Variants in SUN1 observed in about 807,000 individuals in gnomAD.
SUN1 encodes the protein Sad1 and UNC84 domain containing 1.
A neutral mutation model predicts 103.2 loss-of-function variants in SUN1; 61 were observed. That is an observed-to-expected ratio of 0.59 (90% CI 0.48 to 0.73). SUN1 has a LOEUF of 0.73. SUN1 is among the 30% of genes least tolerant of loss of function. SUN1 has a pLI of 0.00. For missense variants in SUN1, 1,052 were observed against 1,034.6 expected (o/e 1.02, Z -0.23); for synonymous variants, 490 against 425.7 (o/e 1.15, Z -1.86).
chr7:849,571 A>T (rs779769903), intron 5 of SUN1: 1 of 1,422,804 alleles, frequency 7.0e-7, no homozygotes, highest in Admixed American at 1.8e-5. Flanking sequence ...CTCAGAGAGG[A>T]TGGCCACCTC....
intron 15 of SUN1, among the ~76,000 whole-genome samples, chr7:864,618 G>A (rs1834918622): frequency 6.6e-6 from 1 of 151,420 alleles, no homozygotes; most frequent in Admixed American, 6.6e-5. Context: ...CTATCATATG[G>A]TAGGTCTTAT....
At position 852,057 on chromosome 7, in the gene SUN1, T is replaced by C; in HGVS notation, c.851+14T>C. On this transcript the variant is annotated intron_variant, in intron 7 of 18. Transcript: ENST00000401592. ...TCTTCTTACCAGGTAAGGAAATGGA[T>C]ATCATGTCAGCGTGGTGCTTTAAGG... 6.2e-6 allele frequency: 10 copies of C among 1,613,072 alleles called. No homozygotes were observed. Among genetic ancestry groups the C allele is most frequent in the Non-Finnish European group, 5.1e-6 (6 of 1,179,020 alleles).
At chr7:856,624 G>C (rs1309234867) in intron 12 of SUN1, among the ~76,000 whole-genome samples, 1 of 152,192 alleles carries the variant, frequency 6.6e-6, no homozygotes, top group Non-Finnish European at 1.5e-5. Flanking sequence ...GACCTCTGTA[G>C]TTAGCACTCT....
chr7:817,525 G>C (rs1394100621), intron 1 of SUN1: 2 of 1,535,364 alleles, frequency 1.3e-6, no homozygotes, highest in Admixed American at 3.9e-5. Flanking sequence ...CGAGGTCTCT[G>C]CTCTCGCTTT....
chr7:827,862 A>G (rs560089040), upstream of SUN1, among the ~76,000 whole-genome samples: 1 of 152,288 alleles, frequency 6.6e-6, no homozygotes, highest in East Asian at 1.9e-4. Flanking sequence ...TAAAAGGTAA[A>G]TGGTATTAAA....
At chr7:844,868 C>G (rs1159487357) in intron 5 of SUN1, among the ~76,000 whole-genome samples, 1 of 152,168 alleles carries the variant, frequency 6.6e-6, no homozygotes, top group Admixed American at 6.5e-5. Flanking sequence ...CAGGTGCTCC[C>G]CCTTAGCCAC....
intron 17 of SUN1, among the ~76,000 whole-genome samples, chr7:871,308 A>C (rs1841494385): frequency 6.6e-6 from 1 of 152,180 alleles, no homozygotes; most frequent in Admixed American, 6.5e-5. Context: ...TGTAAATAAT[A>C]ATCATGTGTC....
chr7:817,269 A>AT (rs1781567153), intron 1 of SUN1: 1 of 724,602 alleles, frequency 1.4e-6, no homozygotes, highest in Admixed American at 2.3e-5. Flanking sequence ...TGATAGTCGT[A>AT]TTTTTTGTAG....
chr7:818,721 T>C (rs1187061628), intron 1 of SUN1, among the ~76,000 whole-genome samples: 2 of 152,194 alleles, frequency 1.3e-5, no homozygotes, highest in Non-Finnish European at 2.9e-5. Context: ...AGGATGACCA[T>C]GCTAGTGGGT....
At chr7:818,632 T>C (rs989933078) in intron 1 of SUN1, among the ~76,000 whole-genome samples, 4 of 152,346 alleles carry the variant, frequency 2.6e-5, no homozygotes, top group Middle Eastern at 3.4e-3. Context: ...TTTTTCACAG[T>C]GTCCGCACCA....
In SUN1 at chr7:841,938, C is replaced by A. The variant is rs1554262344; in HGVS notation, c.267-8C>A. 1.9e-6 allele frequency: 3 copies of A among 1,600,020 alleles called. No individual in the cohort carries two copies. Among genetic ancestry groups the A allele is most frequent in the Non-Finnish European group, 2.6e-6 (3 of 1,175,392 alleles). On this transcript the variant is annotated splice_polypyrimidine_tract_variant and splice_region_variant and intron_variant, in intron 2 of 18. Transcript: ENST00000401592. Reference sequence around the variant, plus strand: ...ATCTATAAACTTGCTGTTTTTTTTTCTTCTTAGAACAACAAAACAGCGCAG... The same window carrying A: ...ATCTATAAACTTGCTGTTTTTTTTTATTCTTAGAACAACAAAACAGCGCAG...
chr7:873,953 G>A lies in SUN1; in HGVS notation c.*622G>A, dbSNP rs934775374. ...ACTCGCTGTACCAATATCCATGGAG[G>A]AATATGGGAGCGTTTCGCTCTCCTT... On this transcript the variant is annotated 3_prime_UTR_variant, in exon 19 of 19. Transcript: ENST00000401592. 1 of 152,384 alleles carries A rather than the reference G, an allele frequency of 6.6e-6. No individual in the cohort carries two copies. Among genetic ancestry groups the A allele is most frequent in the African/African-American group, 2.4e-5 (1 of 41,462 alleles). 9.4% of individuals were successfully genotyped at this position (152,384 alleles called of 1,614,324 possible).
chr7:874,388 T>C lies in SUN1; in HGVS notation c.*1057T>C, dbSNP rs541174197. ...ATTTAGACTATTTTACTGAGCAGAC[T>C]TTATAAATGAGATATCTACAAGGCA... On this transcript the variant is annotated 3_prime_UTR_variant, in exon 19 of 19. Transcript: ENST00000401592. 3 of 152,790 alleles carry C rather than the reference T, an allele frequency of 2.0e-5. No individual in the cohort carries two copies. The East Asian group carries it at 5.8e-4, about 29-fold the overall frequency. 9.5% of individuals were successfully genotyped at this position (152,790 alleles called of 1,614,324 possible).
intron 16 of SUN1, among the ~76,000 whole-genome samples, chr7:866,668 G>A (rs1476181207): frequency 7.9e-6 from 1 of 126,652 alleles, no homozygotes; most frequent in Non-Finnish European, 1.7e-5. Flanking sequence ...CCATCTCCCC[G>A]GGCCTTCGCC....
At chr7:860,448 C>A in intron 14 of SUN1, 66 bp downstream of exon 14, 1 of 1,580,870 alleles carries the variant, frequency 6.3e-7, no homozygotes. Context: ...GAAGACCTAG[C>A]TGTGAGGTGT....
At chr7:867,199 C>T (rs976257086) in intron 16 of SUN1, among the ~76,000 whole-genome samples, 6 of 152,250 alleles carry the variant, frequency 3.9e-5, no homozygotes, top group African/African-American at 1.2e-4. Flanking sequence ...CAGCACCGCA[C>T]GGGCTCACCA....
At position 847,323 on chromosome 7, in the gene SUN1, C is replaced by T. The variant is rs1354149665; in HGVS notation, c.658+3803C>T. ...GGGGGTTACTCCGCAGTCCAGGCTC[C>T]GGGATCCCCTGGGGGTTACCCCGCA... On this transcript the variant is annotated intron_variant, in intron 5 of 18. Coordinates refer to ENST00000401592, the MANE Select transcript of SUN1 (RefSeq NM_001130965.3). 8.7e-5 allele frequency among the ~76,000 whole-genome samples: 13 copies of T among 150,226 alleles called. 1 individual carries two copies. The highest frequency in any genetic ancestry group is 4.2e-4 in the South Asian group (2 of 4,744).
At chr7:851,715 C>G in intron 6 of SUN1, 1 of 627,180 alleles carries the variant, frequency 1.6e-6, no homozygotes, top group South Asian at 2.0e-5. Flanking sequence ...GCCTGAATGC[C>G]CGGTGCAGAG....
chr7:825,587 T>C (rs1275303513), intron 1 of SUN1, among the ~76,000 whole-genome samples: 1 of 152,236 alleles, frequency 6.6e-6, no homozygotes, highest in East Asian at 1.9e-4. Context: ...TAGTCATTTA[T>C]TTCTGATTTG....
Sources: gnomAD v4.1 joint callset for allele counts (sites outside exome capture counted in the v4.1 genomes callset) on GRCh38, gnomAD v4.1.1 for gene constraint, MANE v1.5 for transcripts, NCBI Gene and HGNC (gene_info 2026-07-23, HGNC 2026-07-21) for gene names.